The following TNN variants were observed in gnomAD, a reference collection of about 807,000 sequenced individuals.
The protein encoded by TNN is tenascin-N.
TNN carries 122 observed loss-of-function variants against 134.4 expected under a neutral mutation model. The ratio of observed to expected loss-of-function variants is 0.91; its 90% CI spans 0.78 to 1.06. TNN has a LOEUF of 1.06. Among genes scored for constraint, TNN ranks in the 50% least tolerant of loss-of-function variants. The probability of loss-of-function intolerance (pLI) is 0.00; values close to 1 mark genes in which losing one functional copy is unlikely to be tolerated. For synonymous variants in TNN, 710 were observed against 670.3 expected, an observed-to-expected ratio of 1.06 and a Z score of -0.91; for missense variants, 1,739 against 1,699.4, an observed-to-expected ratio of 1.02 and a Z score of -0.41.
rs552393367 is a variant in TNN, at chr1:175,116,947, A to C, written c.2128A>C (p.Ser710Arg). ...ADTKAQTDID[S>R]PQNLVTDRVT... The stretch of plus-strand genomic sequence containing the variant: ...GCAATTTTTTTTTTCAGACATTGAC[A>C]GCCCCCAAAACCTGGTGACCGACCG... The change falls in exon 10 of 19, where the codon AGC (serine) becomes CGC (arginine). Residue 710 changes from serine (S) to arginine (R), a missense_variant. Coordinates refer to ENST00000239462, the MANE Select transcript of TNN (RefSeq NM_022093.2). The C allele has an allele frequency of 3.0e-5, 48 of 1,614,176 alleles. No homozygotes were observed. The highest frequency in any genetic ancestry group is 4.0e-5 in the Non-Finnish European group (47 of 1,180,016).
intron 15 of TNN, among the ~76,000 whole-genome samples, chr1:175,133,788 G>T (rs1054127079): frequency 2.0e-5 from 3 of 152,170 alleles, no homozygotes; most frequent in African/African-American, 7.2e-5. Context: ...CAAACACAGT[G>T]TATTTTTCTT....
chr1:175,107,923 G>T (rs868729417), intron 9 of TNN, among the ~76,000 whole-genome samples: 292 of 118,648 alleles, frequency 2.5e-3, no homozygotes, highest in Middle Eastern at 8.1e-3. Context: ...GTGCTGATTG[G>T]GGTATTTACA....
rs763124559 is a variant in TNN at position 175,144,445 on chromosome 1, T to C, written c.3654T>C (p.Asp1218=). Residue 1218 remains aspartate, a synonymous_variant, in exon 18 of 19, where the codon GAT becomes GAC. Transcript: ENST00000239462. ...TTACAACTTTTGACAGAGACAATGA[T>C]ATCGCACTCAGCAACTGTGCCCTGA... ...WKFTTFDRDN[D]IALSNCALTH... is the part of the protein sequence containing the mutation. The C allele has an allele frequency of 5.0e-6, 8 of 1,614,196 alleles. No individual in the cohort carries two copies. The Admixed American group carries it at 1.3e-4, about 27-fold the overall frequency.
intron 17 of TNN, among the ~76,000 whole-genome samples, chr1:175,141,577 TAA>T (rs1196260013): frequency 2.6e-5 from 4 of 152,140 alleles, no homozygotes; most frequent in African/African-American, 9.7e-5. Flanking sequence ...AATCCTGAAA[TAA>T]AAGACATTCA....
chr1:175,143,729 C>T (rs1675991724), intron 17 of TNN, among the ~76,000 whole-genome samples: 1 of 152,078 alleles, frequency 6.6e-6, no homozygotes, highest in African/African-American at 2.4e-5. Flanking sequence ...GCACAACCAA[C>T]CTACAGGCCT....
rs200234361 is a variant in TNN, at chr1:175,128,621, G to T, written c.3205G>T (p.Asp1069Tyr). 2.9e-5 allele frequency: 46 copies of T among 1,613,148 alleles called. No homozygotes were observed. In the East Asian group the frequency reaches 9.8e-4, roughly 34 times the overall value. The change falls in exon 15 of 19, where the codon GAC (aspartate) becomes TAC (tyrosine). Residue 1069 changes from aspartate (D) to tyrosine (Y), a missense_variant. By Grantham distance (160) the Asp-to-Tyr change is radical (BLOSUM62 -3). Coordinates refer to ENST00000239462, the MANE Select transcript of TNN (RefSeq NM_022093.2). Reference sequence around the variant, plus strand: ...TGGTGCCCGTTTCCCACACCCTTCGGACTGCAGTCAGGTTCAGCAGAACAG... The same window carrying T: ...TGGTGCCCGTTTCCCACACCCTTCGTACTGCAGTCAGGTTCAGCAGAACAG... ...TVGARFPHPS[D>Y]CSQVQQNSNA...
At chr1:175,074,783 A>G (rs1351242683) in intron 1 of TNN, among the ~76,000 whole-genome samples, 5 of 152,364 alleles carry the variant, frequency 3.3e-5, no homozygotes, top group Non-Finnish European at 7.3e-5. Context: ...CCTTGGGTAC[A>G]ACATGTATAA....
intron 9 of TNN, among the ~76,000 whole-genome samples, chr1:175,104,003 T>A (rs1674793024): frequency 6.8e-6 from 1 of 146,072 alleles, no homozygotes; most frequent in African/African-American, 2.5e-5. Flanking sequence ...GGGTAACTTG[T>A]TCCCCATATT....
At chr1:175,073,895 A>C (rs903465090) in intron 1 of TNN, among the ~76,000 whole-genome samples, 19 of 149,632 alleles carry the variant, frequency 1.3e-4, no homozygotes, top group African/African-American at 4.8e-4. Flanking sequence ...GGGGTGGCAC[A>C]CTCCTGCTGA....
chr1:175,124,260 G>A (rs1401876013), intron 12 of TNN, among the ~76,000 whole-genome samples: 2 of 152,226 alleles, frequency 1.3e-5, no homozygotes, highest in East Asian at 3.8e-4. Flanking sequence ...ACGGGACCTA[G>A]AGATGGCTTG....
intron 5 of TNN, among the ~76,000 whole-genome samples, chr1:175,084,280 G>A (rs1396852707): frequency 6.6e-6 from 1 of 152,074 alleles, no homozygotes; most frequent in Admixed American, 6.5e-5. Flanking sequence ...TTAGTATTTG[G>A]GTGTTGGGGA....
rs541935758 is a variant in TNN at position 175,101,867 on chromosome 1, A to T, written c.2119+3272A>T. Among the ~76,000 whole-genome samples the T allele has an allele frequency of 8.7e-5, 13 of 148,758 alleles. No homozygotes were observed. In the East Asian group the frequency reaches 2.8e-3, roughly 32 times the overall value. Reference sequence around the variant, plus strand: ...GGTGCACTCACAAACCTTGAGCTAAACAGAGGGTGCTGATTGGTGTATTTA... The same window carrying T: ...GGTGCACTCACAAACCTTGAGCTAATCAGAGGGTGCTGATTGGTGTATTTA... On this transcript the variant is annotated intron_variant, in intron 9 of 18. Coordinates refer to ENST00000239462, the MANE Select transcript of TNN (RefSeq NM_022093.2).
Position 175,143,598 on chromosome 1 carries a change from G to A in TNN, c.3596-789G>A, listed in dbSNP as rs537881432. Reference sequence around the variant, plus strand: ...CTTCTTTAGAAGTGGCCTTGAGCTAGGCTTTGAAGGGATGGTTGGGATTTG... The same window carrying A: ...CTTCTTTAGAAGTGGCCTTGAGCTAAGCTTTGAAGGGATGGTTGGGATTTG... On this transcript the variant is annotated intron_variant, in intron 17 of 18. Transcript: ENST00000239462. 3.9e-5 allele frequency among the ~76,000 whole-genome samples: 6 copies of A among 152,134 alleles called. No individual in the cohort carries two copies. The East Asian group carries it at 1.2e-3, about 29-fold the overall frequency.
intron 10 of TNN, among the ~76,000 whole-genome samples, chr1:175,117,701 G>A (rs777755505): frequency 6.6e-6 from 1 of 152,116 alleles, no homozygotes; most frequent in African/African-American, 2.4e-5. Context: ...AGATGACATG[G>A]TGTAGGTATA....
chr1:175,069,235 G>C (rs16847779), intron 1 of TNN, among the ~76,000 whole-genome samples: 1 of 152,036 alleles, frequency 6.6e-6, no homozygotes, highest in Non-Finnish European at 1.5e-5. Context: ...TCAGGGCTAC[G>C]TATTGGCAGC....
chr1:175,113,972 A>T (rs1675102434), intron 9 of TNN, among the ~76,000 whole-genome samples: 1 of 152,166 alleles, frequency 6.6e-6, no homozygotes, highest in Non-Finnish European at 1.5e-5. Flanking sequence ...GATTTCATCA[A>T]ATAGTCTATC....
In TNN at chr1:175,081,766, C is replaced by T. The variant is rs114864095; in HGVS notation, c.1048+1340C>T. ...GGACCATAGAGGTATCTCAGTAAGA[C>T]AGCGTTAGAAAGGACTGGTTAGAGA... On this transcript the variant is annotated intron_variant, in intron 4 of 18. Coordinates refer to ENST00000239462, the MANE Select transcript of TNN (RefSeq NM_022093.2). Among the ~76,000 whole-genome samples the T allele has an allele frequency of 8.2e-4, 125 of 152,286 alleles. 1 individual carries two copies. The highest frequency in any genetic ancestry group is 2.9e-3 in the African/African-American group (121 of 41,568).
intron 17 of TNN, among the ~76,000 whole-genome samples, chr1:175,141,493 A>G (rs1675944177): frequency 6.6e-6 from 1 of 152,316 alleles, no homozygotes; most frequent in South Asian, 2.1e-4. Flanking sequence ...TGAAAAAGAA[A>G]AAAAAAATTA....
At chr1:175,109,455 C>T (rs1044294042) in intron 9 of TNN, among the ~76,000 whole-genome samples, 1 of 151,954 alleles carries the variant, frequency 6.6e-6, no homozygotes, top group African/African-American at 2.4e-5. Flanking sequence ...CACTTCCTAG[C>T]CTCTGGCAAC....
Sources: gnomAD v4.1 joint callset for allele counts (sites outside exome capture counted in the v4.1 genomes callset) on GRCh38, gnomAD v4.1.1 for gene constraint, MANE v1.5 for transcripts, NCBI Gene and HGNC (gene_info 2026-07-23, HGNC 2026-07-21) for gene names.